The following PATJ variants were observed in gnomAD, a reference collection of about 807,000 sequenced individuals.
PATJ encodes inaD-like protein.
PATJ carries 190 observed loss-of-function variants against 224.9 expected under a neutral mutation model. The ratio of observed to expected loss-of-function variants is 0.84; its 90% CI spans 0.75 to 0.95. The LOEUF is 0.95. PATJ is among the 40% of genes least tolerant of loss of function. The pLI is 0.00. For missense variants in PATJ, 2,121 were observed against 2,270.3 expected, an observed-to-expected ratio of 0.93 and a Z score of 1.34; for synonymous variants, 769 against 820.3, an observed-to-expected ratio of 0.94 and a Z score of 1.07.
intron 30 of PATJ, among the ~76,000 whole-genome samples, chr1:62,042,907 A>G (rs909597836): frequency 6.6e-6 from 1 of 152,170 alleles, no homozygotes; most frequent in African/African-American, 2.4e-5. Flanking sequence ...TCAGCCTCCC[A>G]AAGTGCTGGG....
chr1:62,110,787 A>G (rs1235066015), intron 34 of PATJ, among the ~76,000 whole-genome samples: 2 of 152,166 alleles, frequency 1.3e-5, no homozygotes, highest in Admixed American at 6.5e-5. Context: ...ACTTCCCCAC[A>G]TGGCCCTTCC....
At chr1:61,744,736 G>T (rs74445067) in intron 1 of PATJ, among the ~76,000 whole-genome samples, 13 of 152,198 alleles carry the variant, frequency 8.5e-5, no homozygotes, top group African/African-American at 2.9e-4. Flanking sequence ...CTAACAGTTC[G>T]ATTCTGAAAC....
intron 22 of PATJ, among the ~76,000 whole-genome samples, chr1:61,885,488 C>T (rs1668690484): frequency 6.6e-6 from 1 of 152,040 alleles, no homozygotes; most frequent in Admixed American, 6.5e-5. Context: ...TACCATCTCA[C>T]ACCAGTTAGA....
chr1:62,069,324 C>T (rs1657011516), intron 31 of PATJ, among the ~76,000 whole-genome samples: 1 of 152,202 alleles, frequency 6.6e-6, no homozygotes, highest in African/African-American at 2.4e-5. Context: ...GCCGCAGTTA[C>T]CTCAGCTCTG....
chr1:62,127,879 G>A, intron 39 of PATJ, 93 bp from the exon 40 acceptor site: 1 of 1,301,414 alleles, frequency 7.7e-7, no homozygotes, highest in Non-Finnish European at 1.1e-6. Flanking sequence ...CTACCTCATG[G>A]AGGGATTTTG....
chr1:62,030,908 C>T (rs1291234193), intron 29 of PATJ, among the ~76,000 whole-genome samples: 1 of 152,136 alleles, frequency 6.6e-6, no homozygotes, highest in Non-Finnish European at 1.5e-5. Flanking sequence ...ATTTGATGAT[C>T]ATTCTCCTGT....
intron 41 of PATJ, among the ~76,000 whole-genome samples, chr1:62,144,777 A>AAAAATATATATATATATATATATATATAT (rs377489788): frequency 5.9e-5 from 7 of 119,100 alleles, no homozygotes; most frequent in South Asian, 2.7e-4. Flanking sequence ...AAAAAAAAAA[A>AAAAATATATATATATATATATATATATAT]ATATATATAT....
chr1:62,059,651 T>C (rs1199227705), intron 31 of PATJ, among the ~76,000 whole-genome samples: 1 of 151,894 alleles, frequency 6.6e-6, no homozygotes, highest in Non-Finnish European at 1.5e-5. Flanking sequence ...ACTTTGTCAA[T>C]TTTCAATTTT....
chr1:62,063,758 G>A (rs1408450191), intron 31 of PATJ, among the ~76,000 whole-genome samples: 1 of 151,950 alleles, frequency 6.6e-6, no homozygotes, highest in Non-Finnish European at 1.5e-5. Flanking sequence ...ATTTTTTTGT[G>A]TGGCTATTGT....
intron 18 of PATJ, among the ~76,000 whole-genome samples, chr1:61,857,002 A>C (rs1458515353): frequency 6.6e-6 from 1 of 152,214 alleles, no homozygotes; most frequent in Non-Finnish European, 1.5e-5. Flanking sequence ...TAACCATATA[A>C]CACTGAGAGT....
intron 25 of PATJ, among the ~76,000 whole-genome samples, chr1:61,912,647 G>A (rs1437885528): frequency 7.3e-6 from 1 of 137,714 alleles, no homozygotes; most frequent in Non-Finnish European, 1.6e-5. Context: ...GAAAGAGAGA[G>A]AGAGGGAGGG....
chr1:62,146,142 C>A (rs941971171), intron 41 of PATJ, among the ~76,000 whole-genome samples: 1 of 151,932 alleles, frequency 6.6e-6, no homozygotes, highest in Non-Finnish European at 1.5e-5. Flanking sequence ...AAATACAGAA[C>A]GTGCCAGGCA....
intron 1 of PATJ, among the ~76,000 whole-genome samples, chr1:61,758,174 C>T (rs960197742): frequency 1.3e-5 from 2 of 152,132 alleles, no homozygotes; most frequent in East Asian, 1.9e-4. Context: ...AGGCAGAAGC[C>T]GCAGACACAG....
At chr1:61,782,953 A>T (rs569693000) in intron 7 of PATJ, among the ~76,000 whole-genome samples, 1 of 152,326 alleles carries the variant, frequency 6.6e-6, no homozygotes, top group South Asian at 2.1e-4. Context: ...GCCTATTTAA[A>T]GGTTGTCATA....
At chr1:61,874,189 T>TTTAC (rs1667053374) in intron 20 of PATJ, among the ~76,000 whole-genome samples, 1 of 63,092 alleles carries the variant, frequency 1.6e-5, no homozygotes, top group Admixed American at 1.8e-4. Flanking sequence ...TATTTATTTA[T>TTTAC]TTATTTATTT....
chr1:61,997,976 C>T (rs1203240001), intron 28 of PATJ, among the ~76,000 whole-genome samples: 2 of 89,622 alleles, frequency 2.2e-5, no homozygotes, highest in African/African-American at 4.6e-5. Context: ...TGCCACTGTG[C>T]CCAGCTTATA....
At chr1:61,855,146 C>T (rs927827190) in intron 17 of PATJ, among the ~76,000 whole-genome samples, 1 of 151,988 alleles carries the variant, frequency 6.6e-6, no homozygotes, top group Non-Finnish European at 1.5e-5. Context: ...TTTATGATTA[C>T]GTTCATGCTT....
chr1:61,791,284 A>G, intron 8 of PATJ, 64 bp from the exon 9 acceptor site: 1 of 938,860 alleles, frequency 1.1e-6, no homozygotes, highest in South Asian at 1.4e-5. Flanking sequence ...CCTTGCACAG[A>G]TTGACTATGT....
chr1:62,122,087 G>A (rs1009906271), intron 38 of PATJ, among the ~76,000 whole-genome samples: 2 of 152,092 alleles, frequency 1.3e-5, no homozygotes, highest in East Asian at 1.9e-4. Flanking sequence ...TGACTCAGCC[G>A]GGCCCGGTGG....
Sources: allele counts gnomAD v4.1 joint callset (sites outside exome capture counted in the v4.1 genomes callset), GRCh38; gene constraint gnomAD v4.1.1; transcripts MANE v1.5; gene names NCBI Gene and HGNC (gene_info 2026-07-23, HGNC 2026-07-21).